The following PELI1 variants were observed in gnomAD, a reference collection of about 807,000 sequenced individuals.
PELI1 encodes the protein E3 ubiquitin-protein ligase pellino homolog 1.
In PELI1, 15 loss-of-function variants were observed where a neutral mutation model predicts 41.3. The ratio of observed to expected loss-of-function variants is 0.36; its 90% CI spans 0.24 to 0.56. The LOEUF (loss-of-function observed/expected upper bound fraction) is 0.56. Among genes scored for constraint, PELI1 ranks in the 20% least tolerant of loss-of-function variants. PELI1 has a pLI of 0.82. For missense variants in PELI1, 403 were observed against 525.5 expected, an observed-to-expected ratio of 0.77 and a Z score of 2.28; for synonymous variants, 178 against 180.1, an observed-to-expected ratio of 0.99 and a Z score of 0.09.
In PELI1 at chr2:64,108,344, TG is replaced by T; in HGVS notation, c.-35del. The T allele has an allele frequency of 7.4e-7, 1 of 1,346,776 alleles. No individual in the cohort carries two copies. Among genetic ancestry groups the T allele is most frequent in the Non-Finnish European group, 1.1e-6 (1 of 937,400 alleles). The allele number at this position is 1,346,776 out of a possible 1,614,324, so 83.4% of individuals were successfully genotyped here. ...CTGTCTTTCTCAAATCTTTGTTCAC[TG>T]GTCAGGAGCCTTGGGACACCTTTTG... On this transcript the variant is annotated 5_prime_UTR_variant, in exon 2 of 7. Transcript: ENST00000358912.
rs1430223921 is a variant in PELI1 at position 64,093,421 on chromosome 2, TA to T, written c.*1280del. 6.6e-6 allele frequency: 1 copy of T among 152,650 alleles called. No individual in the cohort carries two copies. Among genetic ancestry groups the T allele is most frequent in the Non-Finnish European group, 1.5e-5 (1 of 68,030 alleles). The allele number at this position is 152,650 out of a possible 1,614,324, so 9.5% of individuals were successfully genotyped here. On this transcript the variant is annotated 3_prime_UTR_variant, in exon 7 of 7. Transcript: ENST00000358912. ...AAAGATTTGATGTAGTGCAACTGTC[TA>T]TACTTGTGGTGCCTTTGAAAAAAGG...
intron 1 of PELI1, among the ~76,000 whole-genome samples, chr2:64,119,576 A>G (rs561851279): frequency 6.6e-6 from 1 of 152,350 alleles, no homozygotes; most frequent in South Asian, 2.1e-4. Context: ...GGTAAACACT[A>G]CATAATTCTA....
chr2:64,142,785 A>G (rs1681955106), intron 1 of PELI1, among the ~76,000 whole-genome samples: 1 of 152,236 alleles, frequency 6.6e-6, no homozygotes, highest in African/African-American at 2.4e-5. Flanking sequence ...AAACTTAATA[A>G]TAAATTCATT....
chr2:64,096,386 G>T, intron 5 of PELI1, 27 bp downstream of exon 5: 10 of 1,591,024 alleles, frequency 6.3e-6, no homozygotes, highest in Non-Finnish European at 8.6e-6. Context: ...ATAAAAGAAA[G>T]CATCATTTAG....
In PELI1 at chr2:64,100,437, C is replaced by T; in HGVS notation, c.264G>A (p.Val88=). 12 of 1,576,628 alleles carry T rather than the reference C, an allele frequency of 7.6e-6. No individual in the cohort carries two copies. Among genetic ancestry groups the T allele is most frequent in the Non-Finnish European group, 1.0e-5 (12 of 1,146,232 alleles). Residue 88 remains valine (V), a synonymous_variant, in exon 4 of 7, where the codon GTG becomes GTA. Coordinates refer to ENST00000358912, the MANE Select transcript of PELI1 (RefSeq NM_020651.4). ...TGTTGCTGTCATGAGTATATTCAACCACCACAGTCTGGGCCCGAGATAAAG... is the reference window on the plus strand; with the variant it reads ...TGTTGCTGTCATGAGTATATTCAACTACCACAGTCTGGGCCCGAGATAAAG... The part of the protein sequence containing the change: ...SYTLSRAQTV[V]VEYTHDSNTD...
In PELI1 at chr2:64,094,941, C is replaced by T. The variant is rs775353432; in HGVS notation, c.1018G>A (p.Gly340Ser). 1 of 1,612,908 alleles carries T rather than the reference C, an allele frequency of 6.2e-7. No homozygotes were observed. Among genetic ancestry groups the T allele is most frequent in the Non-Finnish European group, 8.5e-7 (1 of 1,179,590 alleles). ...DRECPMCRSV[G>S]PYVPLWLGCE... The stretch of plus-strand genomic sequence containing the variant: ...CCAAGCCACAGAGGAACATAGGGAC[C>T]AACAGACCTACACATAGGACATTCA... The change falls in exon 7 of 7, where the codon GGT becomes AGT. Residue 340 changes from glycine (G) to serine (S), a missense_variant. Physicochemically the swap from Gly to Ser is moderately conservative, Grantham distance 56. Transcript: ENST00000358912.
At chr2:64,099,337 A>G (rs968546523) in intron 4 of PELI1, among the ~76,000 whole-genome samples, 12 of 151,954 alleles carry the variant, frequency 7.9e-5, no homozygotes, top group Non-Finnish European at 1.6e-4. Context: ...TTTAAAAAAA[A>G]GCTAAGCTCA....
chr2:64,108,357 T>C lies in PELI1; in HGVS notation c.-47A>G, dbSNP rs1342629807. 9.0e-7 allele frequency: 1 copy of C among 1,112,934 alleles called. No homozygotes were observed. Among genetic ancestry groups the C allele is most frequent in the Non-Finnish European group, 1.4e-6 (1 of 728,704 alleles). 68.9% of individuals were successfully genotyped at this position (1,112,934 alleles called of 1,614,324 possible). A position where few individuals can be genotyped will look rare whatever the true frequency, so the allele number is the denominator to read the frequency against. On this transcript the variant is annotated 5_prime_UTR_variant, in exon 2 of 7. Transcript: ENST00000358912. The stretch of plus-strand genomic sequence containing the variant: ...ATCTTTGTTCACTGGTCAGGAGCCT[T>C]GGGACACCTTTTGCATTATTTCCTA...
intron 4 of PELI1, among the ~76,000 whole-genome samples, chr2:64,098,901 G>A (rs915049591): frequency 9.9e-5 from 15 of 152,128 alleles, no homozygotes; most frequent in African/African-American, 3.6e-4. Flanking sequence ...ATCAGTTTAT[G>A]ATACTGGGGA....
At chr2:64,110,978 T>C (rs2103696103) in intron 1 of PELI1, among the ~76,000 whole-genome samples, 1 of 151,824 alleles carries the variant, frequency 6.6e-6, no homozygotes, top group East Asian at 1.9e-4. Flanking sequence ...AAATTAACAC[T>C]TCTGATCAGC....
In PELI1 at chr2:64,144,124, C is replaced by T. The variant is rs1298228529; in HGVS notation, c.-113G>A. On this transcript the variant is annotated 5_prime_UTR_variant, in exon 1 of 7. Transcript: ENST00000358912. Reference sequence around the variant, plus strand: ...CGGGATCCCAGAGCGGCCCCCGAGACCCGAGGCGAGAGGGTGAAGTGTTGT... The same window carrying T: ...CGGGATCCCAGAGCGGCCCCCGAGATCCGAGGCGAGAGGGTGAAGTGTTGT... 2 of 152,094 alleles carry T rather than the reference C, an allele frequency of 1.3e-5. No homozygotes were observed. Among genetic ancestry groups the T allele is most frequent in the African/African-American group, 4.8e-5 (2 of 41,432 alleles). The allele number at this position is 152,094 out of a possible 1,614,324, so 9.4% of individuals were successfully genotyped here.
chr2:64,103,442 G>A (rs898218707), intron 3 of PELI1, among the ~76,000 whole-genome samples: 1 of 152,068 alleles, frequency 6.6e-6, no homozygotes, highest in Non-Finnish European at 1.5e-5. Context: ...TAGTATGTGG[G>A]AAAGTACTGA....
At position 64,116,142 on chromosome 2, in the gene PELI1, C is replaced by T. The variant is rs557552072; in HGVS notation, c.-69-7763G>A. 5.9e-5 allele frequency among the ~76,000 whole-genome samples: 9 copies of T among 152,310 alleles called. No homozygotes were observed. The South Asian group carries it at 1.7e-3, about 28-fold the overall frequency. On this transcript the variant is annotated intron_variant, in intron 1 of 6. Transcript: ENST00000358912. The stretch of plus-strand genomic sequence containing the variant: ...GACAGTTTAGGAACAGACAGGGTCA[C>T]GTGCTCCCTGATTGTGGAAGGAGAG...
chr2:64,108,516 C>T (rs13408188), intron 1 of PELI1, 137 bp from the exon 2 acceptor site: 3 of 469,280 alleles, frequency 6.4e-6, no homozygotes, highest in African/African-American at 6.0e-5. Flanking sequence ...GGACATTTTG[C>T]CCAATAATGA....
intron 1 of PELI1, among the ~76,000 whole-genome samples, chr2:64,133,785 C>A (rs950064502): frequency 6.6e-6 from 1 of 151,480 alleles, no homozygotes; most frequent in Non-Finnish European, 1.5e-5. Context: ...TAATAAAAAC[C>A]AAACCAATTA....
In PELI1 at chr2:64,108,341, C is replaced by G. The variant is rs778683341; in HGVS notation, c.-31G>C. On this transcript the variant is annotated 5_prime_UTR_variant, in exon 2 of 7. Transcript: ENST00000358912. ...TGGCTGTCTTTCTCAAATCTTTGTT[C>G]ACTGGTCAGGAGCCTTGGGACACCT... 24 of 1,410,316 alleles carry G rather than the reference C, an allele frequency of 1.7e-5. No individual in the cohort carries two copies. The South Asian group carries it at 2.3e-4, about 14-fold the overall frequency. The allele number at this position is 1,410,316 out of a possible 1,614,324, so 87.4% of individuals were successfully genotyped here.
chr2:64,115,943 A>G (rs1680975937), intron 1 of PELI1, among the ~76,000 whole-genome samples: 1 of 152,218 alleles, frequency 6.6e-6, no homozygotes, highest in South Asian at 2.1e-4. Context: ...GTATTTGTCA[A>G]CCATTTCCTG....
chr2:64,122,377 C>T (rs1331072873), intron 1 of PELI1, among the ~76,000 whole-genome samples: 1 of 141,292 alleles, frequency 7.1e-6, no homozygotes, highest in Middle Eastern at 3.5e-3. Context: ...GAAAAAAAAA[C>T]GAACAAAACA....
At position 64,094,351 on chromosome 2, in the gene PELI1, A is replaced by G. The variant is rs1454089152; in HGVS notation, c.*351T>C. 5.4e-6 allele frequency: 1 copy of G among 185,832 alleles called. No homozygotes were observed. Among genetic ancestry groups the G allele is most frequent in the East Asian group, 1.4e-4 (1 of 7,106 alleles). 11.5% of individuals were successfully genotyped at this position (185,832 alleles called of 1,614,324 possible). A position where few individuals can be genotyped will look rare whatever the true frequency, so the allele number is the denominator to read the frequency against. The stretch of plus-strand genomic sequence containing the variant: ...CAATGTTTGCAACAAACTGTAAACT[A>G]ACATAGTTTGAACCAACAGTACCCT... On this transcript the variant is annotated 3_prime_UTR_variant, in exon 7 of 7. Transcript: ENST00000358912.
Sources: gnomAD v4.1 joint callset for allele counts (sites outside exome capture counted in the v4.1 genomes callset) on GRCh38, gnomAD v4.1.1 for gene constraint, MANE v1.5 for transcripts, NCBI Gene and HGNC (gene_info 2026-07-23, HGNC 2026-07-21) for gene names.